ATP9B: variants seen among roughly 807,000 people sequenced by gnomAD.
ATP9B encodes probable phospholipid-transporting ATPase IIB.
ATP9B carries 110 observed loss-of-function variants against 146.1 expected under a neutral mutation model. The observed-to-expected ratio is 0.75, with a 90% confidence interval of 0.65 to 0.88. The LOEUF is 0.88. Ranked by LOEUF, ATP9B falls within the 40% of genes least tolerant of loss-of-function variation. The probability of loss-of-function intolerance (pLI) is 0.00; values close to 1 mark genes in which losing one functional copy is unlikely to be tolerated. For synonymous variants in ATP9B, 604 were observed against 569.7 expected (o/e 1.06, Z -0.86); for missense variants, 1,499 against 1,496.4 (o/e 1.00, Z -0.03).
chr18:79,207,027 C>G lies in ATP9B; in HGVS notation c.1030+15C>G. The G allele has an allele frequency of 6.2e-7, 1 of 1,609,650 alleles. No individual in the cohort carries two copies. The highest frequency in any genetic ancestry group is 8.5e-7 in the Non-Finnish European group (1 of 1,176,030). On this transcript the variant is annotated intron_variant, in intron 10 of 29. Transcript: ENST00000426216. ...TGTTGCATCAGGTAAGGAAAACATT[C>G]TCCTCTGAGTGTGATTGCTCCCGGA...
rs1162245001 is a variant in ATP9B, at chr18:79,376,389, A to ATT, written c.3308-842_3308-841dup. The ATT allele has an allele frequency of 7.4e-3, 7,023 of 948,588 alleles. 100 individuals are homozygous for ATT. Among genetic ancestry groups the ATT allele is most frequent in the African/African-American group, 0.065 (3,378 of 51,916 alleles). 58.8% of individuals were successfully genotyped at this position (948,588 alleles called of 1,614,324 possible). Reference sequence around the variant, plus strand: ...TTGGTGACATTAGTCATCTGCAACCATTTTTTTTTTTTTTTTTGAGACGAA... The same window carrying ATT: ...TTGGTGACATTAGTCATCTGCAACCATTTTTTTTTTTTTTTTTTTGAGACGAA... On this transcript the variant is annotated intron_variant, in intron 29 of 29. Transcript: ENST00000426216.
intron 10 of ATP9B, among the ~76,000 whole-genome samples, chr18:79,211,990 A>G (rs2095588320): frequency 6.6e-6 from 1 of 152,228 alleles, no homozygotes; most frequent in South Asian, 2.1e-4. Context: ...CTTATACGAC[A>G]CAAAATGAGT....
At chr18:79,089,268 T>TA (rs553560749) in intron 1 of ATP9B, among the ~76,000 whole-genome samples, 1 of 151,962 alleles carries the variant, frequency 6.6e-6, no homozygotes, top group Non-Finnish European at 1.5e-5. Context: ...GAAAAATTAT[T>TA]AAAAAAAAGT....
intron 25 of ATP9B, among the ~76,000 whole-genome samples, chr18:79,355,957 C>T (rs1044783405): frequency 3.9e-5 from 6 of 152,176 alleles, no homozygotes; most frequent in African/African-American, 1.4e-4. Flanking sequence ...GGGCACGGCA[C>T]ACTGCAGCCA....
At position 79,279,736 on chromosome 18, in the gene ATP9B, G is replaced by A. The variant is rs117913969; in HGVS notation, c.1411+2540G>A. On this transcript the variant is annotated intron_variant, in intron 13 of 29. Transcript: ENST00000426216. ...TTAAAATTTGAAAGCCCTTAAGACCGAAATACATAGGCGTACTGTCTTCTT... is the reference window on the plus strand; with the variant it reads ...TTAAAATTTGAAAGCCCTTAAGACCAAAATACATAGGCGTACTGTCTTCTT... Among the ~76,000 whole-genome samples the A allele has an allele frequency of 4.1e-4, 62 of 152,274 alleles. No individual in the cohort carries two copies. The East Asian group carries it at 0.011, about 27-fold the overall frequency.
intron 11 of ATP9B, among the ~76,000 whole-genome samples, chr18:79,228,611 T>C (rs2095758512): frequency 6.6e-6 from 1 of 152,184 alleles, no homozygotes; most frequent in South Asian, 2.1e-4. Context: ...TTCCCTATAT[T>C]TTGCACGTAG....
chr18:79,339,773 G>A (rs2096848800), intron 19 of ATP9B, among the ~76,000 whole-genome samples: 1 of 151,856 alleles, frequency 6.6e-6, no homozygotes, highest in Non-Finnish European at 1.5e-5. Context: ...ATCCATCTGA[G>A]ATCGCAGTAG....
chr18:79,072,195 G>A (rs760302413), intron 1 of ATP9B, among the ~76,000 whole-genome samples: 4 of 150,756 alleles, frequency 2.7e-5, no homozygotes, highest in African/African-American at 4.9e-5. Flanking sequence ...GGTGTTTCTC[G>A]GAGAGGGGGA....
chr18:79,258,969 T>A lies in ATP9B; in HGVS notation c.1268+5428T>A, dbSNP rs554624040. On this transcript the variant is annotated intron_variant, in intron 12 of 29. Transcript: ENST00000426216. ...TATGAATAATGATACATTCTAGTAT[T>A]TGCTAAATATGCTTTTGGATTGAAT... Among the ~76,000 whole-genome samples, 3 of 152,384 alleles carry A rather than the reference T, an allele frequency of 2.0e-5. No homozygotes were observed. The South Asian group carries it at 6.2e-4, about 32-fold the overall frequency.
intron 8 of ATP9B, among the ~76,000 whole-genome samples, chr18:79,180,586 G>C (rs1488771651): frequency 6.6e-6 from 1 of 152,032 alleles, no homozygotes. Context: ...TTTAAAGATA[G>C]TAAAAAATGA....
intron 8 of ATP9B, among the ~76,000 whole-genome samples, chr18:79,187,696 GC>G (rs1474012406): frequency 6.6e-6 from 1 of 152,122 alleles, no homozygotes; most frequent in Non-Finnish European, 1.5e-5. Context: ...GGACTGTGCT[GC>G]CCTGAGAACA....
chr18:79,308,753 G>C lies in ATP9B; in HGVS notation c.1773+1519G>C, dbSNP rs532485865. On this transcript the variant is annotated intron_variant, in intron 15 of 29. Coordinates refer to ENST00000426216, the MANE Select transcript of ATP9B (RefSeq NM_198531.5). ...CAGGTAGAAGGTCAGGGGCTGAGGA[G>C]TGATCCCCAGCAGGTAGAAGGTCAG... Among the ~76,000 whole-genome samples, 235 of 102,486 alleles carry C rather than the reference G, an allele frequency of 2.3e-3. 2 individuals are homozygous for C. Among genetic ancestry groups the C allele is most frequent in the African/African-American group, 0.01 (218 of 21,218 alleles). 67.2% of individuals were successfully genotyped at this position (102,486 alleles called of 152,430 possible). A position where few individuals can be genotyped will look rare whatever the true frequency, so the allele number is the denominator to read the frequency against.
intron 5 of ATP9B, among the ~76,000 whole-genome samples, chr18:79,140,648 G>A (rs2094502359): frequency 6.6e-6 from 1 of 152,128 alleles, no homozygotes; most frequent in Admixed American, 6.5e-5. Flanking sequence ...GGGCATGGTG[G>A]CGGGTGCTTG....
chr18:79,354,993 G>C (rs1328690386), intron 25 of ATP9B, among the ~76,000 whole-genome samples: 1 of 152,234 alleles, frequency 6.6e-6, no homozygotes, highest in Non-Finnish European at 1.5e-5. Flanking sequence ...AGCTGAAAGT[G>C]CCACTTCACG....
intron 5 of ATP9B, among the ~76,000 whole-genome samples, chr18:79,142,163 CTT>C (rs2094521974): frequency 6.6e-6 from 1 of 152,062 alleles, no homozygotes; most frequent in Non-Finnish European, 1.5e-5. Context: ...TGATCATAAA[CTT>C]TTTTCGTTAA....
At chr18:79,193,800 GC>G (rs2095392392) in intron 9 of ATP9B, among the ~76,000 whole-genome samples, 1 of 152,186 alleles carries the variant, frequency 6.6e-6, no homozygotes, top group Non-Finnish European at 1.5e-5. Flanking sequence ...TATTATAAAT[GC>G]TTTATAGTAA....
rs142842120 is a variant in ATP9B at position 79,126,469 on chromosome 18, A to G, written c.667+94A>G. On this transcript the variant is annotated intron_variant, in intron 5 of 29. Transcript: ENST00000426216. The stretch of plus-strand genomic sequence containing the variant: ...AAATGTATGAAAACATTTTAATTCT[A>G]TTATTGAAAATAGTATTATGTGATT... 3,651 of 848,564 alleles carry G rather than the reference A, an allele frequency of 4.3e-3. 33 individuals carry two copies. Among genetic ancestry groups the G allele is most frequent in the South Asian group, 0.022 (1,176 of 53,838 alleles). 52.6% of individuals were successfully genotyped at this position (848,564 alleles called of 1,614,324 possible). A position where few individuals can be genotyped will look rare whatever the true frequency, so the allele number is the denominator to read the frequency against.
intron 14 of ATP9B, among the ~76,000 whole-genome samples, chr18:79,305,758 CT>C (rs2096617164): frequency 6.6e-6 from 1 of 152,182 alleles, no homozygotes; most frequent in Non-Finnish European, 1.5e-5. Context: ...TTGCTGAAAG[CT>C]TCTGTTAGTT....
intron 11 of ATP9B, among the ~76,000 whole-genome samples, chr18:79,226,859 A>ACAC (rs771245067): frequency 7.2e-5 from 11 of 152,168 alleles, no homozygotes; most frequent in Non-Finnish European, 1.3e-4. Context: ...ACATTGACTG[A>ACAC]CACCCGCTGT....
Sources: gnomAD v4.1 joint callset for allele counts (sites outside exome capture counted in the v4.1 genomes callset) on GRCh38, gnomAD v4.1.1 for gene constraint, MANE v1.5 for transcripts, NCBI Gene and HGNC (gene_info 2026-07-23, HGNC 2026-07-21) for gene names.